Variants in CNTN3 observed in about 807,000 individuals in gnomAD.
CNTN3 encodes the protein contactin 3, also known as contactin-3.
CNTN3 carries 60 observed loss-of-function variants against 119.1 expected under a neutral mutation model. The observed-to-expected ratio is 0.50, with a 90% CI of 0.41 to 0.62. The LOEUF is 0.62. CNTN3 is among the 20% of genes least tolerant of loss of function. The pLI is 0.00. For synonymous variants in CNTN3, 450 were observed against 438.7 expected, an observed-to-expected ratio of 1.03 and a Z score of -0.32; for missense variants, 1,101 against 1,242.4, an observed-to-expected ratio of 0.89 and a Z score of 1.71.
In CNTN3 at chr3:74,583,228, C is replaced by T. The variant is rs145918464; in HGVS notation, c.-81+31163G>A. Among the ~76,000 whole-genome samples, 261 of 151,996 alleles carry T rather than the reference C, an allele frequency of 1.7e-3. 2 individuals carry two copies. The highest frequency in any genetic ancestry group is 6.0e-3 in the African/African-American group (249 of 41,468). On this transcript the variant is annotated intron_variant, in intron 1 of 22. Transcript: ENST00000263665. The stretch of plus-strand genomic sequence containing the variant: ...GTGGTTCAGAGTGTGACCTCTGGAT[C>T]GCAGGTTAGATGCCAAATAAAGAAA...
intron 13 of CNTN3, among the ~76,000 whole-genome samples, chr3:74,317,670 C>A (rs1219425211): frequency 6.6e-6 from 1 of 152,224 alleles, no homozygotes; most frequent in Non-Finnish European, 1.5e-5. Context: ...TTGGCCCCCA[C>A]TATCTTCTGG....
At chr3:74,286,613 C>T (rs862825) in intron 19 of CNTN3, among the ~76,000 whole-genome samples, 16,499 of 151,952 alleles carry the variant, frequency 0.11, 910 homozygotes, top group East Asian at 0.15. Context: ...AACTGGAGTT[C>T]CAGAAGGAGA....
chr3:74,299,485 C>T (rs1323077755), intron 17 of CNTN3, among the ~76,000 whole-genome samples: 1 of 152,178 alleles, frequency 6.6e-6, no homozygotes, highest in African/African-American at 2.4e-5. Flanking sequence ...TGAGGGGCAA[C>T]AGCCGCAACA....
chr3:74,509,811 T>C (rs1357847585), intron 2 of CNTN3, among the ~76,000 whole-genome samples: 2 of 152,044 alleles, frequency 1.3e-5, no homozygotes, highest in Non-Finnish European at 2.9e-5. Context: ...CCTCCCTCAT[T>C]ATCTCCCTTG....
At chr3:74,345,611 A>C (rs1703669627) in intron 11 of CNTN3, among the ~76,000 whole-genome samples, 1 of 152,228 alleles carries the variant, frequency 6.6e-6, no homozygotes, top group African/African-American at 2.4e-5. Flanking sequence ...AGTAACCTTT[A>C]AAATTGATTG....
chr3:74,368,710 T>C (rs1203598173), intron 8 of CNTN3, among the ~76,000 whole-genome samples: 1 of 151,906 alleles, frequency 6.6e-6, no homozygotes, highest in Non-Finnish European at 1.5e-5. Context: ...AGATACATTA[T>C]TGGAAGGGAT....
At chr3:74,352,526 G>T (rs891458442) in intron 11 of CNTN3, among the ~76,000 whole-genome samples, 1 of 152,100 alleles carries the variant, frequency 6.6e-6, no homozygotes, top group Admixed American at 6.5e-5. Context: ...CACCTTAATC[G>T]TATAGTCTAT....
Position 74,365,583 on chromosome 3 carries a change from C to T in CNTN3, c.1066G>A (p.Ala356Thr). 5 of 1,613,410 alleles carry T rather than the reference C, an allele frequency of 3.1e-6. No homozygotes were observed. The highest frequency in any genetic ancestry group is 4.2e-6 in the Non-Finnish European group (5 of 1,179,514). The part of the protein sequence containing the change: ...KPSYRWLKNG[A>T]ALVLEERTQI... ...TACCTTACCTCTAGCACCAGGGCTG[C>T]TCCATTTTTCAGCCATCGGTAGGAA... The change falls in exon 9 of 23, where the codon GCA becomes ACA. Residue 356 changes from alanine (A) to threonine (T), a missense_variant. Transcript: ENST00000263665.
intron 1 of CNTN3, among the ~76,000 whole-genome samples, chr3:74,571,658 AG>A (rs1269867093): frequency 1.1e-4 from 16 of 152,212 alleles, no homozygotes; most frequent in Admixed American, 8.5e-4. Context: ...CTACTACAAC[AG>A]GAAACTTGAA....
intron 1 of CNTN3, among the ~76,000 whole-genome samples, chr3:74,553,398 G>A (rs888741748): frequency 6.6e-5 from 10 of 152,156 alleles, no homozygotes; most frequent in African/African-American, 9.7e-5. Flanking sequence ...ATAAACATAC[G>A]TGTGCATGTG....
At chr3:74,573,876 G>A (rs1704372698) in intron 1 of CNTN3, among the ~76,000 whole-genome samples, 2 of 151,940 alleles carry the variant, frequency 1.3e-5, no homozygotes, top group African/African-American at 4.8e-5. Flanking sequence ...AAACTCTCTG[G>A]AAAACAGGCT....
At chr3:74,325,989 A>G (rs1703119810) in intron 13 of CNTN3, among the ~76,000 whole-genome samples, 2 of 152,156 alleles carry the variant, frequency 1.3e-5, no homozygotes, top group South Asian at 2.1e-4. Flanking sequence ...TACTCTAAGC[A>G]CTCTCAGAAT....
chr3:74,432,702 ACT>A (rs1316288136), intron 4 of CNTN3, among the ~76,000 whole-genome samples: 5 of 152,064 alleles, frequency 3.3e-5, no homozygotes, highest in Admixed American at 3.3e-4. Context: ...TAAACAACTG[ACT>A]CTTAGTTATC....
At chr3:74,451,754 C>T (rs1039038887) in intron 4 of CNTN3, among the ~76,000 whole-genome samples, 5 of 150,884 alleles carry the variant, frequency 3.3e-5, no homozygotes, top group African/African-American at 1.2e-4. Context: ...TTTCCCAGCA[C>T]CATTTATTAA....
At chr3:74,298,789 C>T (rs987383869) in intron 17 of CNTN3, among the ~76,000 whole-genome samples, 5 of 148,818 alleles carry the variant, frequency 3.4e-5, no homozygotes, top group African/African-American at 1.2e-4. Flanking sequence ...CCCAGCTACT[C>T]GGGAGGCTGA....
intron 19 of CNTN3, 61 bp from the exon 20 acceptor site, chr3:74,285,552 T>C (rs1702094493): frequency 6.7e-7 from 1 of 1,485,824 alleles, no homozygotes. Flanking sequence ...TTCCATTAAG[T>C]GATTTTCATT....
chr3:74,473,133 T>C (rs1380492548), intron 4 of CNTN3, among the ~76,000 whole-genome samples: 1 of 151,330 alleles, frequency 6.6e-6, no homozygotes, highest in African/African-American at 2.4e-5. Context: ...AGGAGCAATG[T>C]GGTCAATTTC....
chr3:74,290,663 T>A (rs184574425), intron 19 of CNTN3, among the ~76,000 whole-genome samples: 147 of 152,318 alleles, frequency 9.7e-4, no homozygotes, highest in African/African-American at 3.4e-3. Flanking sequence ...CAGTCTCTCA[T>A]CTGAGGACTG....
intron 5 of CNTN3, among the ~76,000 whole-genome samples, chr3:74,391,551 T>C (rs1704900891): frequency 7.5e-6 from 1 of 133,526 alleles, no homozygotes; most frequent in Non-Finnish European, 1.5e-5. Context: ...TGTACTCCCA[T>C]AGTTTCTTTT....
Sources: allele counts gnomAD v4.1 joint callset (sites outside exome capture counted in the v4.1 genomes callset), GRCh38; gene constraint gnomAD v4.1.1; transcripts MANE v1.5; gene names NCBI Gene and HGNC (gene_info 2026-07-23, HGNC 2026-07-21).